NETO1: variants seen among roughly 807,000 people sequenced by gnomAD.
The protein encoded by NETO1 is neuropilin and tolloid like 1, also known as neuropilin and tolloid-like protein 1.
In NETO1, 26 loss-of-function variants were observed where a neutral mutation model predicts 61.3. The ratio of observed to expected loss-of-function variants is 0.42; its 90% CI spans 0.31 to 0.59. The LOEUF (loss-of-function observed/expected upper bound fraction) is 0.59. Ranked by LOEUF, NETO1 falls within the 20% of genes least tolerant of loss-of-function variation. NETO1 has a pLI of 0.12. For synonymous variants in NETO1, 225 were observed against 225.8 expected (o/e 1.00, Z 0.03); for missense variants, 531 against 662.8 (o/e 0.80, Z 2.18).
Position 72,766,494 on chromosome 18 carries a change from T to C in NETO1, c.869-10347A>G, listed in dbSNP as rs570156866. On this transcript the variant is annotated intron_variant, in intron 7 of 10. Transcript: ENST00000327305. ...ACTTGAGGCCAGAAATAGATTTGTG[T>C]ATCTTTTTTTCATGTCCTTTATCAC... 6.6e-5 allele frequency among the ~76,000 whole-genome samples: 10 copies of C among 152,194 alleles called. No homozygotes were observed. In the East Asian group the frequency reaches 1.9e-3, roughly 29 times the overall value.
At chr18:72,799,980 A>T (rs562860382) in intron 4 of NETO1, among the ~76,000 whole-genome samples, 2 of 152,360 alleles carry the variant, frequency 1.3e-5, no homozygotes, top group Admixed American at 1.3e-4. Flanking sequence ...AAGTGACTGC[A>T]TTCAAAGCCA....
chr18:72,794,702 T>A (rs1015135063), intron 4 of NETO1, among the ~76,000 whole-genome samples: 4 of 152,192 alleles, frequency 2.6e-5, no homozygotes, highest in Admixed American at 6.5e-5. Flanking sequence ...TCATTACCTA[T>A]AACTCCATAG....
At position 72,865,221 on chromosome 18, in the gene NETO1, G is replaced by A. The variant is rs866903826; in HGVS notation, c.49C>T (p.Leu17Phe). ...TTCTTGGTTGCCCCAGACAAATGGA[G>A]GATGATTAAACTTGCTACAACTGAA... ...VLHIVASLII[L>F]HLSGATKKGT... The change falls in exon 2 of 11, where the codon CTC (leucine) becomes TTC (phenylalanine). Residue 17 changes from leucine to phenylalanine, a missense_variant. Leu to Phe is a conservative substitution (Grantham distance 22). Transcript: ENST00000327305. 5 of 1,613,076 alleles carry A rather than the reference G, an allele frequency of 3.1e-6. 1 individual carries two copies. The African/African-American group carries it at 5.3e-5, about 17-fold the overall frequency.
intron 4 of NETO1, among the ~76,000 whole-genome samples, chr18:72,805,051 G>A (rs1343488552): frequency 1.3e-5 from 2 of 152,114 alleles, no homozygotes; most frequent in African/African-American, 2.4e-5. Context: ...TAAATGATAA[G>A]TAAAATGTGG....
At chr18:72,760,785 C>T (rs2070945114) in intron 7 of NETO1, among the ~76,000 whole-genome samples, 1 of 152,162 alleles carries the variant, frequency 6.6e-6, no homozygotes, top group African/African-American at 2.4e-5. Context: ...TAGGAGAGTA[C>T]TGTGCAGAGA....
intron 4 of NETO1, among the ~76,000 whole-genome samples, chr18:72,840,943 T>C (rs1447301210): frequency 6.6e-6 from 1 of 152,166 alleles, no homozygotes; most frequent in African/African-American, 2.4e-5. Context: ...ACCCATGTAG[T>C]CTTGAGCACT....
At chr18:72,768,549 T>C (rs1324999429) in intron 7 of NETO1, among the ~76,000 whole-genome samples, 1 of 152,216 alleles carries the variant, frequency 6.6e-6, no homozygotes, top group African/African-American at 2.4e-5. Flanking sequence ...TTACTTTATA[T>C]GGAAAAAGGG....
rs2070540202 is a variant in NETO1, at chr18:72,750,051, TTGA to T, written c.1541+8_1541+10del. On this transcript the variant is annotated splice_region_variant and intron_variant, in intron 9 of 10. Transcript: ENST00000327305. Reference sequence around the variant, plus strand: ...GTTATAGTTGTCATCAAAAAATCTATTGATACTGACCGCTGGACGGCTTTATCG... The same window carrying T: ...GTTATAGTTGTCATCAAAAAATCTATTACTGACCGCTGGACGGCTTTATCG... The T allele has an allele frequency of 6.5e-7, 1 of 1,540,672 alleles. No homozygotes were observed. The highest frequency in any genetic ancestry group is 1.4e-5 in the African/African-American group (1 of 72,586).
At chr18:72,795,484 A>T (rs2072281067) in intron 4 of NETO1, among the ~76,000 whole-genome samples, 2 of 151,946 alleles carry the variant, frequency 1.3e-5, no homozygotes, top group African/African-American at 4.8e-5. Context: ...TCCTATTTTT[A>T]AAAAATTCTG....
chr18:72,833,454 A>G (rs2073644162), intron 4 of NETO1, among the ~76,000 whole-genome samples: 1 of 152,138 alleles, frequency 6.6e-6, no homozygotes, highest in African/African-American at 2.4e-5. Flanking sequence ...CCACTAAACT[A>G]CAAGCTCTAT....
intron 4 of NETO1, among the ~76,000 whole-genome samples, chr18:72,858,059 TA>T (rs1156912376): frequency 2.1e-4 from 32 of 152,252 alleles, no homozygotes; most frequent in Non-Finnish European, 2.9e-5. Flanking sequence ...ACAAACTATA[TA>T]AAAAATGGGC....
intron 4 of NETO1, among the ~76,000 whole-genome samples, chr18:72,831,764 C>T (rs552698642): frequency 5.5e-4 from 83 of 152,170 alleles, no homozygotes; most frequent in South Asian, 8.3e-4. Context: ...TTCCTCATTA[C>T]GTTTCTGTGC....
At chr18:72,824,460 G>C (rs2073310187) in intron 4 of NETO1, among the ~76,000 whole-genome samples, 2 of 152,196 alleles carry the variant, frequency 1.3e-5, no homozygotes, top group Admixed American at 1.3e-4. Flanking sequence ...TTGAACAACA[G>C]AAAGTGTTCT....
At chr18:72,790,606 G>A (rs187630357) in intron 6 of NETO1, among the ~76,000 whole-genome samples, 117 of 151,800 alleles carry the variant, frequency 7.7e-4, no homozygotes, top group East Asian at 2.5e-3. Flanking sequence ...GGATTCCTCC[G>A]GTGAAATCTC....
chr18:72,799,949 CTG>C (rs1407602362), intron 4 of NETO1, among the ~76,000 whole-genome samples: 3 of 152,248 alleles, frequency 2.0e-5, no homozygotes, highest in South Asian at 2.1e-4. Flanking sequence ...AGAACAAAAA[CTG>C]TGTTCAAGTC....
At chr18:72,752,892 A>G (rs1447797468) in intron 8 of NETO1, among the ~76,000 whole-genome samples, 1 of 152,180 alleles carries the variant, frequency 6.6e-6, no homozygotes, top group East Asian at 1.9e-4. Context: ...CCTCAACAGT[A>G]CATTTCAGCT....
intron 4 of NETO1, among the ~76,000 whole-genome samples, chr18:72,795,775 T>C (rs1370731792): frequency 1.3e-5 from 2 of 152,198 alleles, no homozygotes; most frequent in African/African-American, 4.8e-5. Flanking sequence ...AAATCTACAT[T>C]CTGGCAATTT....
chr18:72,829,300 T>C (rs2073495266), intron 4 of NETO1, among the ~76,000 whole-genome samples: 1 of 152,144 alleles, frequency 6.6e-6, no homozygotes, highest in Admixed American at 6.5e-5. Context: ...AAATGCAAAC[T>C]TTCCTCAAGC....
chr18:72,857,747 T>C (rs1202551614), intron 4 of NETO1, among the ~76,000 whole-genome samples: 1 of 152,168 alleles, frequency 6.6e-6, no homozygotes, highest in Admixed American at 6.5e-5. Context: ...GAGTAATCCA[T>C]TATCAGCAAA....
Sources: gnomAD v4.1 joint callset for allele counts (sites outside exome capture counted in the v4.1 genomes callset) on GRCh38, gnomAD v4.1.1 for gene constraint, MANE v1.5 for transcripts, NCBI Gene and HGNC (gene_info 2026-07-23, HGNC 2026-07-21) for gene names.